SIPA1L3: variants seen among roughly 807,000 people sequenced by gnomAD.
The protein encoded by SIPA1L3 is signal induced proliferation associated 1 like 3.
A neutral mutation model predicts 150.1 loss-of-function variants in SIPA1L3; 59 were observed. The ratio of observed to expected loss-of-function variants is 0.39; its 90% CI spans 0.32 to 0.49. SIPA1L3 has a LOEUF of 0.49. Ranked by LOEUF, SIPA1L3 falls within the 20% of genes least tolerant of loss-of-function variation. The pLI, the probability that SIPA1L3 is intolerant of heterozygous loss-of-function variation, is 0.86. For synonymous variants in SIPA1L3, 1,070 were observed against 1,077.6 expected, an observed-to-expected ratio of 0.99 and a Z score of 0.14; for missense variants, 2,211 against 2,489.5, an observed-to-expected ratio of 0.89 and a Z score of 2.38.
chr19:37,998,979 T>TCA (rs35998048), intron 1 of SIPA1L3, among the ~76,000 whole-genome samples: 2,043 of 145,940 alleles, frequency 0.014, 16 homozygotes, highest in African/African-American at 0.021. Context: ...GCCCTATCTA[T>TCA]CACACACACA....
chr19:38,126,769 G>A (rs1568564443), intron 9 of SIPA1L3, among the ~76,000 whole-genome samples: 1 of 151,926 alleles, frequency 6.6e-6, no homozygotes, highest in Non-Finnish European at 1.5e-5. Flanking sequence ...CTCCTGACCT[G>A]AGGTGATCTG....
chr19:38,169,510 G>A (rs923967641), intron 15 of SIPA1L3, among the ~76,000 whole-genome samples: 2 of 152,104 alleles, frequency 1.3e-5, no homozygotes, highest in Non-Finnish European at 2.9e-5. Context: ...ACCTCTCTGG[G>A]CCTCAGTTTC....
intron 2 of SIPA1L3, among the ~76,000 whole-genome samples, chr19:38,053,323 C>T (rs1969240402): frequency 6.6e-6 from 1 of 152,230 alleles, no homozygotes; most frequent in African/African-American, 2.4e-5. Flanking sequence ...AAGTACTTTA[C>T]ACTTATTCAC....
chr19:38,134,928 A>G (rs1474235642), intron 10 of SIPA1L3, among the ~76,000 whole-genome samples: 2 of 152,128 alleles, frequency 1.3e-5, no homozygotes, highest in Non-Finnish European at 2.9e-5. Flanking sequence ...AGATTCAGCC[A>G]AGAGGAGGGC....
At chr19:37,953,743 T>G (rs1013714959) in intron 1 of SIPA1L3, among the ~76,000 whole-genome samples, 1 of 152,234 alleles carries the variant, frequency 6.6e-6, no homozygotes, top group African/African-American at 2.4e-5. Flanking sequence ...GACTCCTCGC[T>G]GCTGGCTGTA....
chr19:38,153,039 A>G, intron 13 of SIPA1L3, 72 bp downstream of exon 13: 1 of 1,537,156 alleles, frequency 6.5e-7, no homozygotes, highest in Non-Finnish European at 8.8e-7. Flanking sequence ...AGAGCTTGAC[A>G]GGCAACACTC....
Position 38,164,905 on chromosome 19 carries a change from A to G in SIPA1L3, c.4207A>G (p.Ser1403Gly). The change falls in exon 15 of 22, where the codon AGT becomes GGT. Residue 1403 changes from serine to glycine, a missense_variant and splice_region_variant. Transcript: ENST00000222345. The surrounding 1 kb of genome is among the most constrained non-coding windows in gnomAD (Gnocchi z 4.1). Reference sequence around the variant, plus strand: ...CAGCCGAGACCCACCGAGGCAGCCCAGGTAAGCTGTTGCACCTAGTCTGGG... The same window carrying G: ...CAGCCGAGACCCACCGAGGCAGCCCGGGTAAGCTGTTGCACCTAGTCTGGG... ...GGSRDPPRQP[S>G]DMGSRVGYPA... is the part of the protein sequence containing the mutation. 1.3e-6 allele frequency: 2 copies of G among 1,533,306 alleles called. No individual in the cohort carries two copies. Among genetic ancestry groups the G allele is most frequent in the Non-Finnish European group, 1.8e-6 (2 of 1,139,644 alleles). The allele number at this position is 1,533,306 out of a possible 1,614,324, so 95.0% of individuals were successfully genotyped here. A position where few individuals can be genotyped will look rare whatever the true frequency, so the allele number is the denominator to read the frequency against.
chr19:38,061,232 T>G (rs1969439501), intron 2 of SIPA1L3, among the ~76,000 whole-genome samples: 1 of 150,522 alleles, frequency 6.6e-6, no homozygotes, highest in Non-Finnish European at 1.5e-5. Flanking sequence ...GCCTCCTGAT[T>G]TTTTTTTTCT....
chr19:38,182,411 T>A, intron 15 of SIPA1L3, 108 bp from the exon 16 acceptor site: 1 of 806,838 alleles, frequency 1.2e-6, no homozygotes. Context: ...TGTGTCTGTC[T>A]TGTGCAAATG....
At chr19:37,926,209 G>A (rs539524552) in intron 1 of SIPA1L3, among the ~76,000 whole-genome samples, 1 of 152,246 alleles carries the variant, frequency 6.6e-6, no homozygotes, top group East Asian at 1.9e-4. Flanking sequence ...GTCCTCCCCC[G>A]ATTCCTCCTG....
In SIPA1L3 at chr19:38,063,597, G is replaced by A. The variant is rs538069933; in HGVS notation, c.-310-17659G>A. On this transcript the variant is annotated intron_variant, in intron 2 of 21. Coordinates refer to ENST00000222345, the MANE Select transcript of SIPA1L3 (RefSeq NM_015073.3). ...GGGATCAGTTTGCAGGTCAGGCTCC[G>A]TGCTGGCAAGACACTGTCTTCTAAA... 3.9e-5 allele frequency among the ~76,000 whole-genome samples: 6 copies of A among 152,350 alleles called. No homozygotes were observed. The South Asian group carries it at 1.2e-3, about 32-fold the overall frequency.
chr19:37,947,564 G>A lies in SIPA1L3; in HGVS notation c.-379+40206G>A, dbSNP rs779094086. Among the ~76,000 whole-genome samples the A allele has an allele frequency of 7.1e-4, 107 of 151,396 alleles. 1 individual carries two copies. Among genetic ancestry groups the A allele is most frequent in the Non-Finnish European group, 4.0e-4 (27 of 67,966 alleles). On this transcript the variant is annotated intron_variant, in intron 1 of 21. Transcript: ENST00000222345. The stretch of plus-strand genomic sequence containing the variant: ...CCCTATCCTACTGACTAAATAATCC[G>A]TTCTTTCCCACTAATATGAAACTCA...
intron 2 of SIPA1L3, among the ~76,000 whole-genome samples, chr19:38,034,690 C>T (rs1568512727): frequency 6.6e-6 from 1 of 152,212 alleles, no homozygotes; most frequent in Non-Finnish European, 1.5e-5. Context: ...CTACCTCCCA[C>T]TGGTTCAGGT....
intron 8 of SIPA1L3, among the ~76,000 whole-genome samples, chr19:38,112,148 G>T (rs552215876): frequency 1.4e-5 from 2 of 145,542 alleles, no homozygotes; most frequent in South Asian, 2.2e-4. Flanking sequence ...CCTGCACACA[G>T]GCACATGCAT....
At chr19:38,182,136 C>CAAAAAAA (rs4006822) in intron 15 of SIPA1L3, among the ~76,000 whole-genome samples, 26 of 130,112 alleles carry the variant, frequency 2.0e-4, no homozygotes, top group African/African-American at 4.6e-4. Context: ...GACCCTGTCT[C>CAAAAAAA]AAAAAAAAAA....
rs745805353 is a variant in SIPA1L3 at position 38,152,972 on chromosome 19, G to T, written c.3661+5G>T. 6 of 1,610,938 alleles carry T rather than the reference G, an allele frequency of 3.7e-6. No homozygotes were observed. The highest frequency in any genetic ancestry group is 5.1e-6 in the Non-Finnish European group (6 of 1,178,894). On this transcript the variant is annotated splice_donor_5th_base_variant and intron_variant, in intron 13 of 21. Transcript: ENST00000222345. The stretch of plus-strand genomic sequence containing the variant: ...CCATGGAACGCCAGAAGCCAGGTAG[G>T]GCCCCCACCAGCTGCTGCGCCCACC...
Position 38,138,579 on chromosome 19 carries a change from C to G in SIPA1L3, c.3144-2605C>G, listed in dbSNP as rs973598453. 1.4e-4 allele frequency among the ~76,000 whole-genome samples: 3 copies of G among 22,040 alleles called. No homozygotes were observed. In the African/African-American group the frequency reaches 2.6e-3, roughly 19 times the overall value. 14.5% of individuals were successfully genotyped at this position (22,040 alleles called of 152,430 possible). A position where few individuals can be genotyped will look rare whatever the true frequency, so the allele number is the denominator to read the frequency against. On this transcript the variant is annotated intron_variant, in intron 10 of 21. Coordinates refer to ENST00000222345, the MANE Select transcript of SIPA1L3 (RefSeq NM_015073.3). The stretch of plus-strand genomic sequence containing the variant: ...CTGTCATTCTCAGTCAGTCTCTTGC[C>G]TCCCCCTCCCACAGGGGGTTTTCGA...
At chr19:38,138,593 G>GCCCTGAACTTA (rs374059533) in intron 10 of SIPA1L3, among the ~76,000 whole-genome samples, 4 of 151,150 alleles carry the variant, frequency 2.6e-5, no homozygotes, top group Non-Finnish European at 5.9e-5. Flanking sequence ...CCCTCCCACA[G>GCCCTGAACTTA]GGGGTTTTCG....
chr19:37,930,793 G>A (rs1248581626), intron 1 of SIPA1L3, among the ~76,000 whole-genome samples: 4 of 152,130 alleles, frequency 2.6e-5, no homozygotes, highest in African/African-American at 9.6e-5. Context: ...GGGAGGATTC[G>A]AATGCATCAA....
Sources: gnomAD v4.1 joint callset for allele counts (sites outside exome capture counted in the v4.1 genomes callset) on GRCh38, gnomAD v4.1.1 for gene constraint, Gnocchi (gnomAD v3.1) non-coding constraint, MANE v1.5 for transcripts, NCBI Gene and HGNC (gene_info 2026-07-23, HGNC 2026-07-21) for gene names.